Variants in PLEC observed in about 807,000 individuals in gnomAD.
PLEC encodes the protein hemidesmosomal protein 1.
In PLEC, 216 loss-of-function variants were observed where a neutral mutation model predicts 392.8. That is an observed-to-expected ratio of 0.55 (90% CI 0.49 to 0.62). PLEC has a LOEUF of 0.62. PLEC is among the 20% of genes least tolerant of loss of function. The pLI, the probability that PLEC is intolerant of heterozygous loss-of-function variation, is 0.00. For missense variants in PLEC, 6,863 were observed against 6,563.4 expected (o/e 1.05, Z -1.58); for synonymous variants, 3,621 against 2,980.6 (o/e 1.21, Z -7.00).
Position 143,929,489 on chromosome 8 carries a change from G to A in PLEC, c.3006C>T (p.Arg1002=). ...IRLQLEACET[R]TVHRLRLPLD... is the part of the protein sequence containing the mutation. ...GCGGCAGCCGCAGGCGGTGCACGGT[G>A]CGCGTCTCACAGGCCTCCAGCTGCA... Residue 1002 remains arginine (R), a synonymous_variant, in exon 24 of 32, where the codon CGC becomes CGT. Coordinates refer to ENST00000345136, the MANE Select transcript of PLEC (RefSeq NM_201384.3). The A allele has an allele frequency of 6.2e-7, 1 of 1,608,932 alleles. No individual in the cohort carries two copies. Among genetic ancestry groups the A allele is most frequent in the Non-Finnish European group, 8.5e-7 (1 of 1,178,776 alleles).
chr8:143,932,386 G>T lies in PLEC; in HGVS notation c.1977+14C>A, dbSNP rs367918921. Reference sequence around the variant, plus strand: ...GGGGGCTGTGGGGTTCAGGGCAGCTGGGCCACCGCTCACCGAGTAGCTCTC... The same window carrying T: ...GGGGGCTGTGGGGTTCAGGGCAGCTTGGCCACCGCTCACCGAGTAGCTCTC... On this transcript the variant is annotated intron_variant, in intron 16 of 31. Coordinates refer to ENST00000345136, the MANE Select transcript of PLEC (RefSeq NM_201384.3). 2.4e-5 allele frequency: 38 copies of T among 1,612,368 alleles called. No homozygotes were observed. Among genetic ancestry groups the T allele is most frequent in the Non-Finnish European group, 3.1e-5 (37 of 1,179,930 alleles).
At chr8:143,975,487 C>T, upstream of PLEC, 1 of 855,044 alleles carries the variant, frequency 1.2e-6, no homozygotes, top group Non-Finnish European at 1.9e-6. The surrounding 1 kb of genome is among the most constrained non-coding windows in gnomAD (Gnocchi z 9.9). Context: ...CACCCAGCCT[C>T]TCGCCTGGAC....
chr8:143,921,034 G>A lies in PLEC; in HGVS notation c.8787C>T (p.Asn2929=). The change falls in exon 32 of 32, where the codon AAC becomes AAT. Residue 2929 remains asparagine (N), a synonymous_variant. Coordinates refer to ENST00000345136, the MANE Select transcript of PLEC (RefSeq NM_201384.3). ...GKTVTIWEII[N]SEYFTAEQRR... ...GCTGCTCTGCCGTGAAGTATTCCGA[G>A]TTGATGATCTCCCAAATGGTCACCG... 3.7e-6 allele frequency: 6 copies of A among 1,612,946 alleles called. No individual in the cohort carries two copies. The highest frequency in any genetic ancestry group is 1.7e-5 in the Admixed American group (1 of 60,038).
chr8:143,950,154 A>G lies in PLEC; in HGVS notation c.523+30T>C, dbSNP rs1466128109. 2.7e-6 allele frequency: 4 copies of G among 1,476,572 alleles called. No homozygotes were observed. In the Admixed American group the frequency reaches 9.9e-5, roughly 37 times the overall value. 91.5% of individuals were successfully genotyped at this position (1,476,572 alleles called of 1,614,324 possible). A position where few individuals can be genotyped will look rare whatever the true frequency, so the allele number is the denominator to read the frequency against. ...ACAACCAGACCCCTACTTGCCACCC[A>G]TCATGACTTGGGGTCAGGGTGCAGC... On this transcript the variant is annotated intron_variant, in intron 1 of 31. Transcript: ENST00000322810.
In PLEC at chr8:143,918,894, C is replaced by T. The variant is rs372569386; in HGVS notation, c.10927G>A (p.Val3643Met). 2.7e-5 allele frequency: 43 copies of T among 1,611,964 alleles called. No homozygotes were observed. Among genetic ancestry groups the T allele is most frequent in the Admixed American group, 5.0e-5 (3 of 60,028 alleles). Residue 3643 changes from valine to methionine, a missense_variant, in exon 32 of 32, where the codon GTG (valine) becomes ATG (methionine). Transcript: ENST00000345136. ...TCCTCAGCCGTGAGGCGGCGGCGCA[C>T]GTAGTCGTAGGAGGCCAGACCCTGC... ...RQQGLASYDY[V>M]RRRLTAEDLF...
chr8:143,942,396 G>A (rs1554729319), upstream of PLEC: 1 of 1,603,224 alleles, frequency 6.2e-7, no homozygotes, highest in South Asian at 1.1e-5. Context: ...ACCCACCTAC[G>A]CAGCACAGCT....
rs532154442 is a variant in PLEC at position 143,920,274 on chromosome 8, C to T, written c.9547G>A (p.Asp3183Asn). 9 of 1,595,682 alleles carry T rather than the reference C, an allele frequency of 5.6e-6. No individual in the cohort carries two copies. The highest frequency in any genetic ancestry group is 7.6e-6 in the Non-Finnish European group (9 of 1,176,798). ...APRADAKAYS[D>N]PSTGEPATYG... ...GTGGCCGGCTCCCCTGTGCTGGGGTCACTGTAGGCCTTGGCGTCGGCCCTT... is the reference window on the plus strand; with the variant it reads ...GTGGCCGGCTCCCCTGTGCTGGGGTTACTGTAGGCCTTGGCGTCGGCCCTT... The change falls in exon 32 of 32, where the codon GAC becomes AAC. Residue 3183 changes from aspartate (D) to asparagine (N), a missense_variant. Transcript: ENST00000345136.
intron 3 of PLEC, chr8:143,937,801 G>A (rs1309753972): frequency 9.4e-6 from 5 of 530,436 alleles, no homozygotes; most frequent in African/African-American, 7.6e-5. Flanking sequence ...GGCCAGAGCA[G>A]GGCAAAGGGT....
intron 28 of PLEC, 69 bp downstream of exon 28, chr8:143,927,183 A>G: frequency 6.3e-7 from 1 of 1,580,390 alleles, no homozygotes; most frequent in South Asian, 1.1e-5. Context: ...GCCCAGGCTC[A>G]GGGAAAGCCC....
chr8:143,918,981 T>C lies in PLEC; in HGVS notation c.10840A>G (p.Thr3614Ala), dbSNP rs1554676793. 6.2e-7 allele frequency: 1 copy of C among 1,611,082 alleles called. No individual in the cohort carries two copies. The highest frequency in any genetic ancestry group is 1.7e-5 in the Admixed American group (1 of 60,020). Reference protein sequence around the residue: ...LMADFQAGRVTKERMIIIIIE... With the variant: ...LMADFQAGRVAKERMIIIIIE... ...ATGATGATGATCATGCGTTCCTTGG[T>C]CACCCGGCCGGCCTGGAAGTCAGCC... Residue 3614 changes from threonine to alanine, a missense_variant, in exon 32 of 32, where the codon ACC (threonine) becomes GCC (alanine). Thr to Ala is a moderately conservative substitution (Grantham distance 58). Transcript: ENST00000345136.
Position 143,924,886 on chromosome 8 carries a change from C to T in PLEC, c.5043G>A (p.Glu1681=). ...CCAGCTCCCGCTGCCGGACGGCCTG[C>T]TCCTCCGCCTTGCCGCGCCGCCGCG... ...REARRRGKAE[E]QAVRQRELAE... is the part of the protein sequence containing the mutation. Residue 1681 remains glutamate (E), a synonymous_variant, in exon 31 of 32, where the codon GAG becomes GAA. Transcript: ENST00000345136. 1 of 1,589,478 alleles carries T rather than the reference C, an allele frequency of 6.3e-7. No homozygotes were observed. Among genetic ancestry groups the T allele is most frequent in the Non-Finnish European group, 8.5e-7 (1 of 1,175,424 alleles).
At chr8:143,939,003 C>CA (rs369704929) in intron 1 of PLEC, among the ~76,000 whole-genome samples, 1 of 152,108 alleles carries the variant, frequency 6.6e-6, no homozygotes, top group Non-Finnish European at 1.5e-5. Context: ...CAGTCCCCCC[C>CA]GGCCTCTACA....
upstream of PLEC, chr8:143,942,505 GC>G: frequency 6.3e-7 from 1 of 1,579,000 alleles, no homozygotes; most frequent in Non-Finnish European, 8.5e-7. Context: ...GGCGCCCCCC[GC>G]CCCCGACATG....
In PLEC at chr8:143,919,393, G is replaced by T. The variant is rs1554678133; in HGVS notation, c.10428C>A (p.Asp3476Glu). 1.2e-6 allele frequency: 2 copies of T among 1,613,622 alleles called. No individual in the cohort carries two copies. Among genetic ancestry groups the T allele is most frequent in the South Asian group, 1.1e-5 (1 of 91,076 alleles). Residue 3476 changes from aspartate (D) to glutamate (E), a missense_variant, in exon 32 of 32, where the codon GAC (aspartate) becomes GAA (glutamate). Physicochemically the swap from Asp to Glu is conservative, Grantham distance 45 (BLOSUM62 2). Coordinates refer to ENST00000345136, the MANE Select transcript of PLEC (RefSeq NM_201384.3). Reference protein sequence around the residue: ...EAQIATGGIIDPVHSHRVPVD... With the variant: ...EAQIATGGIIEPVHSHRVPVD... ...CAGGCACGCGGTGGCTGTGCACGGG[G>T]TCGATGATGCCGCCCGTGGCGATCT... is the stretch of plus-strand genomic sequence containing the variant.
chr8:143,942,427 CG>C, upstream of PLEC: 1 of 1,604,780 alleles, frequency 6.2e-7, no homozygotes, highest in Non-Finnish European at 8.5e-7. Flanking sequence ...GTAGCCCCTG[CG>C]GGCCGGCTCG....
upstream of PLEC, among the ~76,000 whole-genome samples, chr8:143,956,089 G>A (rs1554739182): frequency 2.0e-5 from 3 of 151,808 alleles, no homozygotes; most frequent in African/African-American, 7.3e-5. Context: ...CTGGGACTAC[G>A]GATGTGTGCC....
chr8:143,976,372 AAGG>A (rs781904353), upstream of PLEC, among the ~76,000 whole-genome samples: 175 of 152,094 alleles, frequency 1.2e-3, no homozygotes, highest in Middle Eastern at 3.4e-3. Context: ...GCCAAGGGCT[AAGG>A]AGGAGGCAGC....
rs1554724961 is a variant in PLEC, at chr8:143,938,116, C to T, written c.264+35G>A. 5 of 1,510,990 alleles carry T rather than the reference C, an allele frequency of 3.3e-6. No homozygotes were observed. In the South Asian group the frequency reaches 3.5e-5, roughly 10 times the overall value. The allele number at this position is 1,510,990 out of a possible 1,614,324, so 93.6% of individuals were successfully genotyped here. A position where few individuals can be genotyped will look rare whatever the true frequency, so the allele number is the denominator to read the frequency against. Reference sequence around the variant, plus strand: ...GGCAGGCAGAGGTCTCCAGGTGGGGCAGGCGGGGCCCGGAGGGGGCAGGGG... The same window carrying T: ...GGCAGGCAGAGGTCTCCAGGTGGGGTAGGCGGGGCCCGGAGGGGGCAGGGG... On this transcript the variant is annotated intron_variant, in intron 3 of 31. Transcript: ENST00000345136.
In PLEC at chr8:143,927,213, T is replaced by G. The variant is rs782586335; in HGVS notation, c.3840+39A>C. 3.8e-6 allele frequency: 6 copies of G among 1,599,260 alleles called. No individual in the cohort carries two copies. The Admixed American group carries it at 1.0e-4, about 27-fold the overall frequency. On this transcript the variant is annotated intron_variant, in intron 28 of 31. Transcript: ENST00000345136. ...AAGCCCGCCATCATCCTGGCAACGG[T>G]CCCGGACTTGGGGCCTGGTGCAGGC...
Sources: gnomAD v4.1 joint callset for allele counts (sites outside exome capture counted in the v4.1 genomes callset) on GRCh38, gnomAD v4.1.1 for gene constraint, Gnocchi (gnomAD v3.1) non-coding constraint, MANE v1.5 for transcripts, NCBI Gene and HGNC (gene_info 2026-07-23, HGNC 2026-07-21) for gene names.